Variants in SV2B observed in about 807,000 individuals in gnomAD.
SV2B encodes the protein synaptic vesicle glycoprotein 2B.
In SV2B, 41 loss-of-function variants were observed where a neutral mutation model predicts 73.9. The ratio of observed to expected loss-of-function variants is 0.56; its 90% CI spans 0.43 to 0.72. SV2B has a LOEUF of 0.72. Ranked by LOEUF, SV2B falls within the 30% of genes least tolerant of loss-of-function variation. SV2B has a pLI of 0.00. For synonymous variants in SV2B, 314 were observed against 314.2 expected (o/e 1.00, Z 0.01); for missense variants, 764 against 857.8 (o/e 0.89, Z 1.37).
At chr15:91,185,750 G>T (rs1279991133) in intron 1 of SV2B, among the ~76,000 whole-genome samples, 1 of 152,158 alleles carries the variant, frequency 6.6e-6, no homozygotes, top group Non-Finnish European at 1.5e-5. Flanking sequence ...TTGAACTCTT[G>T]CAGTACCTTG....
chr15:91,175,893 T>G (rs1158137892), intron 1 of SV2B, among the ~76,000 whole-genome samples: 1 of 151,772 alleles, frequency 6.6e-6, no homozygotes, highest in Non-Finnish European at 1.5e-5. Context: ...ATTTTCTTTT[T>G]TTATTATTAT....
chr15:91,215,611 A>C (rs2045998987), intron 1 of SV2B, among the ~76,000 whole-genome samples: 1 of 152,326 alleles, frequency 6.6e-6, no homozygotes, highest in Non-Finnish European at 1.5e-5. Context: ...TATGGATACT[A>C]TTAGTATAAC....
intron 1 of SV2B, among the ~76,000 whole-genome samples, chr15:91,169,518 C>T (rs978590358): frequency 2.7e-5 from 4 of 147,344 alleles, no homozygotes; most frequent in Admixed American, 2.1e-4. Flanking sequence ...AGCTAGGAGA[C>T]CCTTTCACAG....
rs756551489 is a variant in SV2B at position 91,268,560 on chromosome 15, C to T, written c.1328C>T (p.Thr443Met). The T allele has an allele frequency of 3.7e-6, 6 of 1,613,482 alleles. No homozygotes were observed. Among genetic ancestry groups the T allele is most frequent in the South Asian group, 3.3e-5 (3 of 91,036 alleles). ...EHVYGATINFTMENQIHQHGK... is the reference protein window; with the variant it reads ...EHVYGATINFMMENQIHQHGK... Reference sequence around the variant, plus strand: ...GTGTACGGCGCCACAATCAACTTCACGATGGAAAATCAGATCCACCAACAT... The same window carrying T: ...GTGTACGGCGCCACAATCAACTTCATGATGGAAAATCAGATCCACCAACAT... Residue 443 changes from threonine to methionine, a missense_variant, in exon 9 of 13, where the codon ACG (threonine) becomes ATG (methionine). Coordinates refer to ENST00000394232, the MANE Select transcript of SV2B (RefSeq NM_001323032.3). The surrounding 1 kb of genome is among the most constrained non-coding windows in gnomAD (Gnocchi z 4.4).
intron 1 of SV2B, among the ~76,000 whole-genome samples, chr15:91,191,925 C>T (rs2045049739): frequency 6.6e-6 from 1 of 152,088 alleles, no homozygotes; most frequent in Non-Finnish European, 1.5e-5. Context: ...TTCCTATTTT[C>T]CACTGGATAC....
At chr15:91,147,518 C>G (rs1437182488) in intron 1 of SV2B, among the ~76,000 whole-genome samples, 2 of 152,198 alleles carry the variant, frequency 1.3e-5, no homozygotes, top group Admixed American at 1.3e-4. Flanking sequence ...TGCTCCTTCC[C>G]CAGCCCAGGG....
chr15:91,182,330 A>G (rs2141320294), intron 1 of SV2B, among the ~76,000 whole-genome samples: 1 of 152,342 alleles, frequency 6.6e-6, no homozygotes, highest in East Asian at 1.9e-4. Flanking sequence ...CTAAATTTAG[A>G]GCCTCATGTT....
At chr15:91,158,705 T>TTCC (rs2043594005) in intron 1 of SV2B, among the ~76,000 whole-genome samples, 13 of 85,678 alleles carry the variant, frequency 1.5e-4, no homozygotes, top group Non-Finnish European at 1.9e-4. Context: ...TCTTCTCTCC[T>TTCC]CTCCTCTCCT....
chr15:91,236,947 T>A lies in SV2B; in HGVS notation c.451+10233T>A, dbSNP rs1032161158. ...GGCAGCTCCAGGGTAGCTGGATTTT[T>A]TTTTTTAACCTGTTGGCTTGGAAAG... On this transcript the variant is annotated intron_variant, in intron 2 of 12. Coordinates refer to ENST00000394232, the MANE Select transcript of SV2B (RefSeq NM_001323032.3). The surrounding 1 kb of genome is among the most constrained non-coding windows in gnomAD (Gnocchi z 4.1). Among the ~76,000 whole-genome samples the A allele has an allele frequency of 2.6e-5, 4 of 152,104 alleles. No individual in the cohort carries two copies. In the South Asian group the frequency reaches 6.2e-4, roughly 24 times the overall value.
intron 1 of SV2B, among the ~76,000 whole-genome samples, chr15:91,148,530 G>T (rs1184093701): frequency 6.6e-6 from 1 of 152,120 alleles, no homozygotes; most frequent in Non-Finnish European, 1.5e-5. Flanking sequence ...CAAGTGGTTT[G>T]TCTGAGTGTG....
At chr15:91,120,351 C>T (rs2042297475) in intron 1 of SV2B, among the ~76,000 whole-genome samples, 1 of 152,196 alleles carries the variant, frequency 6.6e-6, no homozygotes, top group African/African-American at 2.4e-5. Flanking sequence ...TGTGAGAACA[C>T]ACTCACTATC....
In SV2B at chr15:91,251,995, A is replaced by G; in HGVS notation, c.628A>G (p.Ile210Val). 6.2e-7 allele frequency: 1 copy of G among 1,614,044 alleles called. No individual in the cohort carries two copies. The highest frequency in any genetic ancestry group is 8.5e-7 in the Non-Finnish European group (1 of 1,179,958). ...CCTCTTCTGCCGACTCATCTCAGGC[A>G]TCGGGTATGTTCTTAGGGAGGTGGA... is the stretch of plus-strand genomic sequence containing the variant. Reference protein sequence around the residue: ...AFLFCRLISGIGIGGALPIVF... With the variant: ...AFLFCRLISGVGIGGALPIVF... The change falls in exon 3 of 13, where the codon ATC becomes GTC. Residue 210 changes from isoleucine (I) to valine (V), a missense_variant. Physicochemically the swap from Ile to Val is conservative, Grantham distance 29. Transcript: ENST00000394232.
chr15:91,226,422 C>T lies in SV2B; in HGVS notation c.159C>T (p.Ile53=), dbSNP rs763268034. 1.2e-6 allele frequency: 2 copies of T among 1,614,150 alleles called. No individual in the cohort carries two copies. The highest frequency in any genetic ancestry group is 1.7e-6 in the Non-Finnish European group (2 of 1,180,026). ...TCTATGAGGGCGAGTACCAGGGTAT[C>T]CCTCACCCAGATGATGTCAAGGCCA... is the stretch of plus-strand genomic sequence containing the variant. The part of the protein sequence containing the change: ...DEIYEGEYQG[I]PHPDDVKAKQ... The change falls in exon 2 of 13, where the codon ATC becomes ATT. Residue 53 remains isoleucine, a synonymous_variant. Coordinates refer to ENST00000394232, the MANE Select transcript of SV2B (RefSeq NM_001323032.3).
chr15:91,177,357 A>T (rs2044355042), intron 1 of SV2B, among the ~76,000 whole-genome samples: 2 of 151,762 alleles, frequency 1.3e-5, no homozygotes, highest in African/African-American at 4.9e-5. Context: ...TTGGCTTAGG[A>T]TTGACTTGGC....
intron 9 of SV2B, among the ~76,000 whole-genome samples, chr15:91,276,391 G>A (rs1240360692): frequency 6.6e-6 from 1 of 151,834 alleles, no homozygotes; most frequent in Non-Finnish European, 1.5e-5. Flanking sequence ...CTTTGCCTTT[G>A]TCTTTCCAAA....
rs60896008 is a variant in SV2B at position 91,147,965 on chromosome 15, C to CTTTTTTTTTTT, written c.-392+47625_-392+47635dup. ...GTTCCCCACCCCGCACCCCCCCCAA[C>CTTTTTTTTTTT]TTTTTTTTTTTTTTTTTTTTTTTTT... On this transcript the variant is annotated intron_variant, in intron 1 of 12. Transcript: ENST00000394232. Among the ~76,000 whole-genome samples the CTTTTTTTTTTT allele has an allele frequency of 4.3e-4, 17 of 39,302 alleles. 1 individual carries two copies. Among genetic ancestry groups the CTTTTTTTTTTT allele is most frequent in the Admixed American group, 9.0e-4 (2 of 2,226 alleles). The allele number at this position is 39,302 out of a possible 152,430, so 25.8% of individuals were successfully genotyped here. A position where few individuals can be genotyped will look rare whatever the true frequency, so the allele number is the denominator to read the frequency against.
intron 9 of SV2B, among the ~76,000 whole-genome samples, chr15:91,275,083 C>G (rs1596762352): frequency 6.6e-6 from 1 of 151,996 alleles, no homozygotes; most frequent in East Asian, 1.9e-4. Flanking sequence ...CCTAAACTGA[C>G]TCTCTTTATT....
chr15:91,292,720 A>T lies in SV2B; in HGVS notation c.*168A>T. On this transcript the variant is annotated 3_prime_UTR_variant, in exon 13 of 13. Transcript: ENST00000394232. ...CACTTCAGCTGTCAATATGTTTGTAACTCAGGTGACTGATTTGGGGGTGCC... is the reference window on the plus strand; with the variant it reads ...CACTTCAGCTGTCAATATGTTTGTATCTCAGGTGACTGATTTGGGGGTGCC... 1 of 773,910 alleles carries T rather than the reference A, an allele frequency of 1.3e-6. No individual in the cohort carries two copies. Among genetic ancestry groups the T allele is most frequent in the Non-Finnish European group, 1.9e-6 (1 of 520,822 alleles). 47.9% of individuals were successfully genotyped at this position (773,910 alleles called of 1,614,324 possible).
intron 1 of SV2B, among the ~76,000 whole-genome samples, chr15:91,194,803 T>A (rs2141364114): frequency 6.6e-6 from 1 of 152,174 alleles, no homozygotes; most frequent in Non-Finnish European, 1.5e-5. Flanking sequence ...TGTGGAAGGA[T>A]CATGGAGGAT....
Sources: allele counts gnomAD v4.1 joint callset (sites outside exome capture counted in the v4.1 genomes callset), GRCh38; gene constraint gnomAD v4.1.1; non-coding constraint Gnocchi (gnomAD v3.1); transcripts MANE v1.5; gene names NCBI Gene and HGNC (gene_info 2026-07-23, HGNC 2026-07-21).